Variants in TMEM132C observed in about 807,000 individuals in gnomAD.
The protein encoded by TMEM132C is protein phosphatase 1, regulatory subunit 152.
In TMEM132C, 29 loss-of-function variants were observed where a neutral mutation model predicts 61.4. The observed-to-expected ratio is 0.47, with a 90% CI of 0.35 to 0.64. The LOEUF (loss-of-function observed/expected upper bound fraction) is 0.64, where lower values mean the gene tolerates loss of function less well. Ranked by LOEUF, TMEM132C falls within the 30% of genes least tolerant of loss-of-function variation. TMEM132C has a pLI of 0.00. For synonymous variants in TMEM132C, 656 were observed against 633.1 expected, an observed-to-expected ratio of 1.04 and a Z score of -0.54; for missense variants, 1,408 against 1,476.9, an observed-to-expected ratio of 0.95 and a Z score of 0.76.
chr12:128,568,826 A>G (rs932743884), intron 3 of TMEM132C, among the ~76,000 whole-genome samples: 6 of 152,224 alleles, frequency 3.9e-5, no homozygotes, highest in Non-Finnish European at 8.8e-5. Context: ...CCCATCTCTC[A>G]GAAACAATCT....
intron 4 of TMEM132C, among the ~76,000 whole-genome samples, chr12:128,657,305 G>A (rs1954335980): frequency 6.6e-6 from 1 of 152,320 alleles, no homozygotes; most frequent in Admixed American, 6.5e-5. Flanking sequence ...GGAAGCCACA[G>A]AGAGGGAAAA....
intron 1 of TMEM132C, among the ~76,000 whole-genome samples, chr12:128,304,127 G>A (rs555876096): frequency 4.6e-5 from 7 of 152,212 alleles, no homozygotes; most frequent in Non-Finnish European, 7.4e-5. Context: ...ACACAAGTTC[G>A]TGAGTAACAA....
At chr12:128,362,145 G>A (rs1166909082) in intron 1 of TMEM132C, among the ~76,000 whole-genome samples, 1 of 152,134 alleles carries the variant, frequency 6.6e-6, no homozygotes, top group Non-Finnish European at 1.5e-5. Flanking sequence ...TTGGTTTGGA[G>A]AGCATCAGTT....
chr12:128,534,775 G>A (rs771532158), intron 2 of TMEM132C, among the ~76,000 whole-genome samples: 4 of 152,158 alleles, frequency 2.6e-5, no homozygotes, highest in Non-Finnish European at 4.4e-5. Context: ...GAAAATGCCC[G>A]ATTAACACAA....
At chr12:128,321,330 A>G (rs1872327346) in intron 1 of TMEM132C, among the ~76,000 whole-genome samples, 1 of 152,110 alleles carries the variant, frequency 6.6e-6, no homozygotes, top group Non-Finnish European at 1.5e-5. Flanking sequence ...ACTCACAGCA[A>G]CTTGGAGGAA....
At position 128,587,781 on chromosome 12, in the gene TMEM132C, T is replaced by C. The variant is rs151243728; in HGVS notation, c.1122-28371T>C. 9.2e-5 allele frequency among the ~76,000 whole-genome samples: 14 copies of C among 152,276 alleles called. No homozygotes were observed. The East Asian group carries it at 2.3e-3, about 25-fold the overall frequency. On this transcript the variant is annotated intron_variant, in intron 3 of 8. Coordinates refer to ENST00000435159, the MANE Select transcript of TMEM132C (RefSeq NM_001136103.3). ...TCACTTTCAAAGTGATGCATTGATA[T>C]ACAGTTCTCTGTTAAATAAATGTGT...
intron 1 of TMEM132C, among the ~76,000 whole-genome samples, chr12:128,348,237 G>A (rs998503787): frequency 4.6e-5 from 7 of 152,106 alleles, no homozygotes; most frequent in Non-Finnish European, 8.8e-5. Context: ...ATTTTGGATT[G>A]TTCATTGTAT....
intron 5 of TMEM132C, among the ~76,000 whole-genome samples, chr12:128,677,265 T>A (rs1954597748): frequency 6.6e-6 from 1 of 152,174 alleles, no homozygotes. Context: ...ACAGGTCACA[T>A]GACAATCTAT....
intron 1 of TMEM132C, among the ~76,000 whole-genome samples, chr12:128,359,493 C>G (rs181875041): frequency 5.0e-4 from 76 of 152,256 alleles, no homozygotes; most frequent in Admixed American, 2.8e-3. Context: ...ATTTGGGTGG[C>G]GACACAGCCA....
At chr12:128,452,756 G>A (rs1593058769) in intron 2 of TMEM132C, among the ~76,000 whole-genome samples, 1 of 152,110 alleles carries the variant, frequency 6.6e-6, no homozygotes, top group Non-Finnish European at 1.5e-5. Flanking sequence ...TGTGATTTGT[G>A]CATTTCTGGC....
At chr12:128,608,820 C>T (rs1271232903) in intron 3 of TMEM132C, among the ~76,000 whole-genome samples, 5 of 152,066 alleles carry the variant, frequency 3.3e-5, no homozygotes, top group Non-Finnish European at 5.9e-5. Context: ...ATGGAGAGCC[C>T]CTGATTTAGA....
chr12:128,367,437 A>G (rs953291075), intron 1 of TMEM132C, among the ~76,000 whole-genome samples: 1 of 152,216 alleles, frequency 6.6e-6, no homozygotes, highest in East Asian at 1.9e-4. Context: ...CTAGGTGACA[A>G]TGCTACTCTC....
chr12:128,626,153 G>C (rs577811746), intron 4 of TMEM132C, among the ~76,000 whole-genome samples: 1 of 148,960 alleles, frequency 6.7e-6, no homozygotes, highest in East Asian at 1.9e-4. Flanking sequence ...ATGAGACAGA[G>C]TCTCGCTCTG....
intron 2 of TMEM132C, among the ~76,000 whole-genome samples, chr12:128,457,896 C>G (rs926628328): frequency 6.6e-6 from 1 of 152,110 alleles, no homozygotes; most frequent in Admixed American, 6.6e-5. Flanking sequence ...CTAAGTTCAA[C>G]GAATGTGGAC....
chr12:128,583,096 A>G (rs572103555), intron 3 of TMEM132C, among the ~76,000 whole-genome samples: 8 of 152,332 alleles, frequency 5.3e-5, no homozygotes, highest in African/African-American at 1.4e-4. Context: ...TAAGAGAAAA[A>G]CACTGAAAAC....
intron 1 of TMEM132C, among the ~76,000 whole-genome samples, chr12:128,372,460 AAGAG>A (rs1874055592): frequency 6.6e-6 from 1 of 152,334 alleles, no homozygotes; most frequent in South Asian, 2.1e-4. Context: ...AAATAAACGT[AAGAG>A]AGAGAACAAA....
At chr12:128,629,968 A>AT (rs1954052510) in intron 4 of TMEM132C, among the ~76,000 whole-genome samples, 1 of 123,412 alleles carries the variant, frequency 8.1e-6, no homozygotes. Context: ...CTCCGTCTAA[A>AT]TTAAAAAAAA....
chr12:128,443,293 G>A (rs1869862492), intron 2 of TMEM132C, among the ~76,000 whole-genome samples: 1 of 151,924 alleles, frequency 6.6e-6, no homozygotes, highest in African/African-American at 2.4e-5. Context: ...GTAGGTGAGG[G>A]ACAAAAGACT....
At chr12:128,275,650 C>T (rs1212082421) in intron 1 of TMEM132C, among the ~76,000 whole-genome samples, 1 of 152,082 alleles carries the variant, frequency 6.6e-6, no homozygotes, top group African/African-American at 2.4e-5. Flanking sequence ...TTCCACAAAA[C>T]TGGTCCCTTT....
Sources: gnomAD v4.1 joint callset for allele counts (sites outside exome capture counted in the v4.1 genomes callset) on GRCh38, gnomAD v4.1.1 for gene constraint, MANE v1.5 for transcripts, NCBI Gene and HGNC (gene_info 2026-07-23, HGNC 2026-07-21) for gene names.